Variants in KIDINS220 observed in about 807,000 individuals in gnomAD.
KIDINS220 encodes the protein kinase D interacting substrate 220, also known as kinase D-interacting substrate of 220 kDa.
Under a neutral mutation model 157.6 loss-of-function variants are expected in KIDINS220, and 63 were observed. The ratio of observed to expected loss-of-function variants is 0.40; its 90% confidence interval spans 0.33 to 0.49. The LOEUF (loss-of-function observed/expected upper bound fraction) is 0.49. Ranked by LOEUF, KIDINS220 falls within the 20% of genes least tolerant of loss-of-function variation. The probability of loss-of-function intolerance (pLI) is 0.66; values close to 1 mark genes in which losing one functional copy is unlikely to be tolerated. For missense variants in KIDINS220, 1,772 were observed against 2,171.2 expected, an observed-to-expected ratio of 0.82 and a Z score of 3.65; for synonymous variants, 732 against 783.6, an observed-to-expected ratio of 0.93 and a Z score of 1.10.
In KIDINS220 at chr2:8,811,570, C is replaced by T. The variant is rs75653766; in HGVS notation, c.504+825G>A. 9.5e-3 allele frequency among the ~76,000 whole-genome samples: 1,453 copies of T among 152,202 alleles called. 31 individuals are homozygous for T. Among genetic ancestry groups the T allele is most frequent in the African/African-American group, 0.034 (1,392 of 41,514 alleles). ...AAACACAGAAACAACGTTCACAGAACATTAGACAATCGGTTGTATCTAAAA... is the reference window on the plus strand; with the variant it reads ...AAACACAGAAACAACGTTCACAGAATATTAGACAATCGGTTGTATCTAAAA... On this transcript the variant is annotated intron_variant, in intron 6 of 29. Transcript: ENST00000256707.
chr2:8,817,693 A>G lies in KIDINS220; in HGVS notation c.231T>C (p.Ser77=). 1 of 1,607,206 alleles carries G rather than the reference A, an allele frequency of 6.2e-7. No homozygotes were observed. Among genetic ancestry groups the G allele is most frequent in the Non-Finnish European group, 8.5e-7 (1 of 1,176,310 alleles). The change falls in exon 4 of 30, where the codon TCT becomes TCC. Residue 77 remains serine (S), a synonymous_variant. Transcript: ENST00000256707. ...TGTGCACATGCCCTTCTTTCGATGC[A>G]GATATAAGTGCTGTCCAATTATCCT... is the stretch of plus-strand genomic sequence containing the variant. The part of the protein sequence containing the change: ...EDLDNWTALI[S]ASKEGHVHIV...
chr2:8,757,447 C>T lies in KIDINS220; in HGVS notation c.3012-5803G>A, dbSNP rs1041384398. ...TTAACCTTTAGTCATGAGAAGCACA[C>T]TTGATTGTTTCCAAAGGGATATGTG... On this transcript the variant is annotated intron_variant, in intron 22 of 29. Coordinates refer to ENST00000256707, the MANE Select transcript of KIDINS220 (RefSeq NM_020738.4). 1.2e-5 allele frequency: 16 copies of T among 1,320,030 alleles called. No homozygotes were observed. The South Asian group carries it at 2.1e-4, about 18-fold the overall frequency. 81.8% of individuals were successfully genotyped at this position (1,320,030 alleles called of 1,614,324 possible).
chr2:8,786,399 A>C, intron 15 of KIDINS220, 42 bp from the exon 16 acceptor site: 1 of 1,490,408 alleles, frequency 6.7e-7, no homozygotes, highest in Non-Finnish European at 9.3e-7. Flanking sequence ...TATTATCTAA[A>C]GTAACAAATA....
chr2:8,739,932 A>C (rs144393403), intron 26 of KIDINS220, among the ~76,000 whole-genome samples: 1 of 152,368 alleles, frequency 6.6e-6, no homozygotes, highest in Non-Finnish European at 1.5e-5. Flanking sequence ...TTGTAAGTAG[A>C]TTAGAACTAC....
chr2:8,730,542 A>G lies in KIDINS220; in HGVS notation c.*178T>C, dbSNP rs1663900871. On this transcript the variant is annotated 3_prime_UTR_variant, in exon 30 of 30. Coordinates refer to ENST00000256707, the MANE Select transcript of KIDINS220 (RefSeq NM_020738.4). Reference sequence around the variant, plus strand: ...CAAAGACCACAGAGGCTGGCTGGTGAGCCATGCTTCTCATGCTCCCTTCTG... The same window carrying G: ...CAAAGACCACAGAGGCTGGCTGGTGGGCCATGCTTCTCATGCTCCCTTCTG... 2 of 1,428,136 alleles carry G rather than the reference A, an allele frequency of 1.4e-6. No homozygotes were observed. Among genetic ancestry groups the G allele is most frequent in the Non-Finnish European group, 1.8e-6 (2 of 1,098,564 alleles). 88.5% of individuals were successfully genotyped at this position (1,428,136 alleles called of 1,614,324 possible).
intron 1 of KIDINS220, among the ~76,000 whole-genome samples, chr2:8,829,589 C>A (rs977607314): frequency 1.3e-5 from 2 of 151,810 alleles, no homozygotes; most frequent in Non-Finnish European, 1.5e-5. Flanking sequence ...CAAAATGTCT[C>A]AAAAAATGTG....
At chr2:8,803,213 C>G (rs1389937715) in intron 7 of KIDINS220, 86 bp from the exon 8 acceptor site, 1 of 1,137,550 alleles carries the variant, frequency 8.8e-7, no homozygotes, top group African/African-American at 1.6e-5. Flanking sequence ...ATGCCATAAT[C>G]ATAAAACTAA....
At chr2:8,810,783 CA>C (rs113178566) in intron 6 of KIDINS220, among the ~76,000 whole-genome samples, 3 of 148,918 alleles carry the variant, frequency 2.0e-5, no homozygotes, top group Non-Finnish European at 4.5e-5. Context: ...GAGACTCTGT[CA>C]AAAAAAAACA....
At chr2:8,782,445 TA>T (rs1259897639) in intron 17 of KIDINS220, among the ~76,000 whole-genome samples, 1 of 152,246 alleles carries the variant, frequency 6.6e-6, no homozygotes, top group Non-Finnish European at 1.5e-5. Context: ...TTTGATAACT[TA>T]GATAAACAGA....
At chr2:8,819,390 C>T (rs1677569563) in intron 2 of KIDINS220, among the ~76,000 whole-genome samples, 1 of 152,128 alleles carries the variant, frequency 6.6e-6, no homozygotes, top group South Asian at 2.1e-4. Context: ...GACGATGCTC[C>T]CTCAGCCCTG....
chr2:8,734,598 T>C lies in KIDINS220; in HGVS notation c.3816+57A>G. ...TGGTTTTCTACAATGTTATAAATAA[T>C]TTTGAATGTTATCATAAAATAATGT... On this transcript the variant is annotated intron_variant, in intron 28 of 29. Coordinates refer to ENST00000256707, the MANE Select transcript of KIDINS220 (RefSeq NM_020738.4). 6.7e-6 allele frequency: 8 copies of C among 1,200,988 alleles called. No homozygotes were observed. In the South Asian group the frequency reaches 1.0e-4, roughly 16 times the overall value. The allele number at this position is 1,200,988 out of a possible 1,614,324, so 74.4% of individuals were successfully genotyped here. A position where few individuals can be genotyped will look rare whatever the true frequency, so the allele number is the denominator to read the frequency against.
At chr2:8,834,742 T>G (rs1365351009) in intron 1 of KIDINS220, among the ~76,000 whole-genome samples, 2 of 152,154 alleles carry the variant, frequency 1.3e-5, no homozygotes, top group Admixed American at 6.5e-5. Flanking sequence ...GACCCAACTT[T>G]AACATTCTTA....
intron 22 of KIDINS220, among the ~76,000 whole-genome samples, chr2:8,760,156 TGAA>T (rs1183871496): frequency 1.3e-5 from 2 of 152,242 alleles, no homozygotes; most frequent in African/African-American, 2.4e-5. Flanking sequence ...TTTAACAAAT[TGAA>T]GAAGATCAAC....
intron 26 of KIDINS220, chr2:8,740,283 C>T (rs1665446586): frequency 4.1e-6 from 2 of 490,748 alleles, no homozygotes; most frequent in Non-Finnish European, 5.3e-6. Context: ...AGAGCTTCAT[C>T]ATTCCTATTT....
Position 8,796,829 on chromosome 2 carries a change from T to A in KIDINS220, c.1040A>T (p.Asn347Ile). 1 of 1,614,176 alleles carries A rather than the reference T, an allele frequency of 6.2e-7. No individual in the cohort carries two copies. Residue 347 changes from asparagine to isoleucine, a missense_variant, in exon 11 of 30, where the codon AAC (asparagine) becomes ATC (isoleucine). By Grantham distance (149) the Asn-to-Ile change is moderately radical. Around this residue, in one of 3 missense-constraint regions of KIDINS220, gnomAD observed 725 missense variants for 1,017.1 expected, o/e 0.71. Transcript: ENST00000256707. Reference protein sequence around the residue: ...TPLIKATKMRNIEVVELLLDK... With the variant: ...TPLIKATKMRIIEVVELLLDK... ...TAGCAGCAGCTCCACCACTTCAATG[T>A]TTCTCATCTTGGTAGCCTTTATAAG...
At chr2:8,795,345 G>A (rs1464080521) in intron 11 of KIDINS220, among the ~76,000 whole-genome samples, 1 of 152,138 alleles carries the variant, frequency 6.6e-6, no homozygotes, top group African/African-American at 2.4e-5. Context: ...CCTGTGAGAA[G>A]ACAAAACAGT....
intron 24 of KIDINS220, chr2:8,749,310 C>A: frequency 2.4e-6 from 1 of 422,846 alleles, no homozygotes; most frequent in Non-Finnish European, 4.7e-6. Context: ...CTAACTAGGT[C>A]CTATGTTTTC....
At chr2:8,757,406 C>T in intron 22 of KIDINS220, 2 of 1,181,412 alleles carry the variant, frequency 1.7e-6, no homozygotes, top group Non-Finnish European at 2.1e-6. Context: ...CAGTAAATGC[C>T]AACAGTCTTA....
intron 2 of KIDINS220, chr2:8,826,657 T>C (rs1678856977): frequency 5.8e-6 from 1 of 171,536 alleles, no homozygotes; most frequent in Non-Finnish European, 1.2e-5. Context: ...CAATCCCTGA[T>C]TTTGTCTGGT....
Sources: gnomAD v4.1 joint callset for allele counts (sites outside exome capture counted in the v4.1 genomes callset) on GRCh38, gnomAD v4.1.1 for gene constraint, gnomAD v4.1.1 regional missense constraint, MANE v1.5 for transcripts, NCBI Gene and HGNC (gene_info 2026-07-23, HGNC 2026-07-21) for gene names.